The following ITPKB variants were observed in gnomAD, a reference collection of about 807,000 sequenced individuals.
ITPKB encodes the protein IP3 3-kinase B.
A neutral mutation model predicts 69.4 loss-of-function variants in ITPKB; 13 were observed. That is an observed-to-expected ratio of 0.19 (90% confidence interval 0.12 to 0.30). The LOEUF (loss-of-function observed/expected upper bound fraction) is 0.30, where lower values mean the gene tolerates loss of function less well. ITPKB is among the 10% of genes least tolerant of loss of function. ITPKB has a pLI of 1.00. For synonymous variants in ITPKB, 584 were observed against 513.7 expected, an observed-to-expected ratio of 1.14 and a Z score of -1.85; for missense variants, 1,240 against 1,250.5, an observed-to-expected ratio of 0.99 and a Z score of 0.13.
At chr1:226,659,119 C>A (rs1359332005) in intron 2 of ITPKB, among the ~76,000 whole-genome samples, 1 of 152,316 alleles carries the variant, frequency 6.6e-6, no homozygotes, top group Admixed American at 6.5e-5. Flanking sequence ...CAGGAAAACC[C>A]TGAGTGACTG....
intron 2 of ITPKB, among the ~76,000 whole-genome samples, chr1:226,689,278 T>C (rs1272134949): frequency 6.6e-6 from 1 of 152,234 alleles, no homozygotes; most frequent in Non-Finnish European, 1.5e-5. Context: ...CTTCAAAGCC[T>C]ACCCCCTTAG....
chr1:226,729,609 T>C (rs896759962), intron 2 of ITPKB, among the ~76,000 whole-genome samples: 2 of 151,804 alleles, frequency 1.3e-5, no homozygotes, highest in African/African-American at 4.8e-5. Context: ...GACAGAGTCT[T>C]GCTCTGTCAC....
At chr1:226,646,057 A>C (rs1276872430) in intron 4 of ITPKB, among the ~76,000 whole-genome samples, 1 of 151,914 alleles carries the variant, frequency 6.6e-6, no homozygotes, top group African/African-American at 2.4e-5. Flanking sequence ...TCACACACAC[A>C]CCCCTCTTTC....
chr1:226,728,782 AT>A (rs1657498498), intron 2 of ITPKB, among the ~76,000 whole-genome samples: 1 of 151,926 alleles, frequency 6.6e-6, no homozygotes, highest in Admixed American at 6.6e-5. Flanking sequence ...TACTCTCCCC[AT>A]TTTTCAGAGA....
At chr1:226,688,864 G>A (rs934686567) in intron 2 of ITPKB, among the ~76,000 whole-genome samples, 2 of 152,144 alleles carry the variant, frequency 1.3e-5, no homozygotes, top group South Asian at 4.1e-4. Flanking sequence ...CAGAAAAAAT[G>A]ATTTGGACTC....
intron 2 of ITPKB, among the ~76,000 whole-genome samples, chr1:226,658,096 A>G (rs1669330609): frequency 6.6e-6 from 1 of 152,244 alleles, no homozygotes; most frequent in Non-Finnish European, 1.5e-5. Flanking sequence ...CTCTTGCAAA[A>G]GTCTGAGTGA....
chr1:226,667,853 TGC>T (rs1406150880), intron 2 of ITPKB, among the ~76,000 whole-genome samples: 59 of 141,722 alleles, frequency 4.2e-4, no homozygotes, highest in South Asian at 2.7e-3. Context: ...TGTGTGTGTG[TGC>T]GCGCGCGCGT....
At chr1:226,639,699 G>T in intron 5 of ITPKB, 41 bp from the exon 6 acceptor site, 1 of 1,347,480 alleles carries the variant, frequency 7.4e-7, no homozygotes, top group Non-Finnish European at 1.1e-6. Flanking sequence ...GGTCAGCAGG[G>T]ACCCTCGGGC....
At position 226,716,493 on chromosome 1, in the gene ITPKB, T is replaced by C. The variant is rs142593474; in HGVS notation, c.1932+19034A>G. On this transcript the variant is annotated intron_variant, in intron 2 of 7. Coordinates refer to ENST00000429204, the MANE Select transcript of ITPKB (RefSeq NM_002221.4). Reference sequence around the variant, plus strand: ...ATAGGTAAACAAGTGCCATGGTGGTTTGCTGCACCTATAACCCATCACCTA... The same window carrying C: ...ATAGGTAAACAAGTGCCATGGTGGTCTGCTGCACCTATAACCCATCACCTA... Among the ~76,000 whole-genome samples, 1,151 of 152,324 alleles carry C rather than the reference T, an allele frequency of 7.6e-3. 16 individuals are homozygous for C. Among genetic ancestry groups the C allele is most frequent in the African/African-American group, 0.026 (1,074 of 41,562 alleles).
In ITPKB at chr1:226,637,839, G is replaced by A. The variant is rs1295577927; in HGVS notation, c.2554-89C>T. ...CATGCGGCCTCTAGTGGTCCCTCCC[G>A]TGAATGTGCTTTACCCTAAACGCCG... On this transcript the variant is annotated intron_variant, in intron 6 of 7. Transcript: ENST00000429204. The surrounding 1 kb of genome is among the most constrained non-coding windows in gnomAD (Gnocchi z 4.3). 1.6e-5 allele frequency: 15 copies of A among 955,098 alleles called. No homozygotes were observed. The highest frequency in any genetic ancestry group is 2.5e-5 in the East Asian group (1 of 39,320). The allele number at this position is 955,098 out of a possible 1,614,324, so 59.2% of individuals were successfully genotyped here. A position where few individuals can be genotyped will look rare whatever the true frequency, so the allele number is the denominator to read the frequency against.
chr1:226,689,264 T>C (rs1656287615), intron 2 of ITPKB, among the ~76,000 whole-genome samples: 1 of 152,236 alleles, frequency 6.6e-6, no homozygotes, highest in South Asian at 2.1e-4. Context: ...ATAAATAATA[T>C]TCTCTTCAAA....
intron 2 of ITPKB, chr1:226,707,676 C>A (rs2102634699): frequency 9.8e-7 from 1 of 1,025,556 alleles, no homozygotes; most frequent in Non-Finnish European, 1.2e-6. Flanking sequence ...CATGTAGAGT[C>A]CCTCTTGAAA....
intron 2 of ITPKB, among the ~76,000 whole-genome samples, chr1:226,729,481 CAA>C (rs1222337089): frequency 2.6e-4 from 18 of 70,146 alleles, no homozygotes; most frequent in Admixed American, 3.1e-4. Flanking sequence ...GACTCCACCT[CAA>C]AAAAAAAAAA....
chr1:226,650,274 G>A (rs963504449), intron 2 of ITPKB, among the ~76,000 whole-genome samples: 3 of 152,202 alleles, frequency 2.0e-5, no homozygotes, highest in Non-Finnish European at 2.9e-5. Flanking sequence ...TATTTAAGGA[G>A]AGGAATTCTT....
At position 226,689,145 on chromosome 1, in the gene ITPKB, T is replaced by C. The variant is rs530962924; in HGVS notation, c.1933-40374A>G. Among the ~76,000 whole-genome samples the C allele has an allele frequency of 3.2e-4, 49 of 152,300 alleles. 1 individual carries two copies. Among genetic ancestry groups the C allele is most frequent in the South Asian group, 1.7e-3 (8 of 4,830 alleles). On this transcript the variant is annotated intron_variant, in intron 2 of 7. Transcript: ENST00000429204. Reference sequence around the variant, plus strand: ...GGCCTATTTTTAAAGTTCCAACCAATAATCTCTCAAAAGCACTCTACCCAC... The same window carrying C: ...GGCCTATTTTTAAAGTTCCAACCAACAATCTCTCAAAAGCACTCTACCCAC...
chr1:226,733,768 C>T (rs1241395306), intron 2 of ITPKB, among the ~76,000 whole-genome samples: 3 of 152,146 alleles, frequency 2.0e-5, no homozygotes, highest in Admixed American at 1.3e-4. Flanking sequence ...ACCACTTAAC[C>T]CTCTGGTTTC....
intron 2 of ITPKB, among the ~76,000 whole-genome samples, chr1:226,728,579 T>C (rs1008844084): frequency 3.3e-5 from 5 of 152,260 alleles, no homozygotes; most frequent in Non-Finnish European, 7.3e-5. Context: ...GAGGCTGGTG[T>C]GCAGTGTGCA....
chr1:226,713,221 G>C (rs1184555997), intron 2 of ITPKB, among the ~76,000 whole-genome samples: 1 of 152,004 alleles, frequency 6.6e-6, no homozygotes, highest in Non-Finnish European at 1.5e-5. Flanking sequence ...CCCCGCCCCC[G>C]GTTCCCAGAC....
chr1:226,653,492 C>T (rs1017418168), intron 2 of ITPKB, among the ~76,000 whole-genome samples: 24 of 152,328 alleles, frequency 1.6e-4, no homozygotes, highest in Non-Finnish European at 1.6e-4. Context: ...AGCTGGCCAC[C>T]GAAACCCCAG....
Sources: gnomAD v4.1 joint callset for allele counts (sites outside exome capture counted in the v4.1 genomes callset) on GRCh38, gnomAD v4.1.1 for gene constraint, Gnocchi (gnomAD v3.1) non-coding constraint, MANE v1.5 for transcripts, NCBI Gene and HGNC (gene_info 2026-07-23, HGNC 2026-07-21) for gene names.